PRKAR1B: variants seen among roughly 807,000 people sequenced by gnomAD.
The protein encoded by PRKAR1B is protein kinase cAMP-dependent type I regulatory subunit beta, also known as cAMP-dependent protein kinase type I-beta regulatory subunit.
A neutral mutation model predicts 46.5 loss-of-function variants in PRKAR1B; 22 were observed. The ratio of observed to expected loss-of-function variants is 0.47; its 90% CI spans 0.34 to 0.68. The LOEUF (loss-of-function observed/expected upper bound fraction) is 0.68. Ranked by LOEUF, PRKAR1B falls within the 30% of genes least tolerant of loss-of-function variation. The pLI, the probability that PRKAR1B is intolerant of heterozygous loss-of-function variation, is 0.01. For synonymous variants in PRKAR1B, 259 were observed against 217.7 expected (o/e 1.19, Z -1.67); for missense variants, 445 against 535.6 (o/e 0.83, Z 1.67).
chr7:680,789 G>A lies in PRKAR1B; in HGVS notation c.178-63C>T, dbSNP rs1778637173. On this transcript the variant is annotated intron_variant, in intron 2 of 10. Transcript: ENST00000537384. ...CCTGGCTGTCCCGGCCAGGCACAGGGCCCATGCCTGTGATCCCAGCACTGT... is the reference window on the plus strand; with the variant it reads ...CCTGGCTGTCCCGGCCAGGCACAGGACCCATGCCTGTGATCCCAGCACTGT... 9.5e-6 allele frequency: 15 copies of A among 1,577,016 alleles called. No individual in the cohort carries two copies. In the South Asian group the frequency reaches 1.6e-4, roughly 16 times the overall value.
intron 2 of PRKAR1B, among the ~76,000 whole-genome samples, chr7:684,278 C>T (rs959572975): frequency 6.6e-6 from 1 of 152,380 alleles, no homozygotes; most frequent in East Asian, 1.9e-4. Flanking sequence ...CGGGAAGACG[C>T]TGAGTACACG....
intron 2 of PRKAR1B, among the ~76,000 whole-genome samples, chr7:698,763 CCCT>C (rs899592811): frequency 1.3e-5 from 2 of 152,018 alleles, no homozygotes; most frequent in African/African-American, 4.8e-5. Flanking sequence ...ACTCCACGTA[CCCT>C]CCTCCTCGGT....
chr7:626,677 A>C (rs1325270333), intron 4 of PRKAR1B, among the ~76,000 whole-genome samples: 3 of 151,896 alleles, frequency 2.0e-5, no homozygotes, highest in Non-Finnish European at 4.4e-5. Context: ...AAAACAAATT[A>C]ATCTGATCTT....
intron 2 of PRKAR1B, chr7:691,639 C>G: frequency 7.7e-7 from 1 of 1,301,772 alleles, no homozygotes. Context: ...GGCATGTGGC[C>G]TCCGCCCAGG....
At chr7:561,208 GCACA>G (rs1239963119) in intron 9 of PRKAR1B, among the ~76,000 whole-genome samples, 1 of 149,504 alleles carries the variant, frequency 6.7e-6, no homozygotes, top group African/African-American at 2.5e-5. Context: ...CCACACACAT[GCACA>G]CACAGGCACA....
Position 560,724 on chromosome 7 carries a change from G to A in PRKAR1B, c.892-9254C>T, listed in dbSNP as rs1002218841. ...TGCCTCATCTGTTATATGGGACAAC[G>A]CCAACCAATGCTACAGAGCGGCGGT... On this transcript the variant is annotated intron_variant, in intron 9 of 10. Transcript: ENST00000537384. The surrounding 1 kb of genome is among the most constrained non-coding windows in gnomAD (Gnocchi z 4.2). 3.9e-5 allele frequency among the ~76,000 whole-genome samples: 6 copies of A among 152,220 alleles called. No homozygotes were observed. Among genetic ancestry groups the A allele is most frequent in the Non-Finnish European group, 5.9e-5 (4 of 68,036 alleles).
At chr7:651,216 G>A (rs1784886806) in intron 4 of PRKAR1B, among the ~76,000 whole-genome samples, 1 of 152,218 alleles carries the variant, frequency 6.6e-6, no homozygotes, top group African/African-American at 2.4e-5. Flanking sequence ...TGGCCCTCAA[G>A]TCCGCAGGGA....
intron 2 of PRKAR1B, chr7:696,606 A>G (rs1344968889): frequency 1.3e-5 from 2 of 152,212 alleles, no homozygotes; most frequent in African/African-American, 4.8e-5. Flanking sequence ...ATCCATGCTA[A>G]AAGTAGTTTA....
chr7:613,489 G>T (rs371030997), intron 4 of PRKAR1B, among the ~76,000 whole-genome samples: 6 of 152,306 alleles, frequency 3.9e-5, no homozygotes, highest in African/African-American at 1.2e-4. Flanking sequence ...GTCTGAGGAA[G>T]CGTACGGGAT....
intron 4 of PRKAR1B, among the ~76,000 whole-genome samples, chr7:660,731 T>C: frequency 1.1e-5 from 1 of 91,432 alleles, no homozygotes; most frequent in African/African-American, 4.5e-5. Context: ...ATGGCACAGG[T>C]CCCCACCCCA....
intron 5 of PRKAR1B, 88 bp downstream of exon 5, chr7:607,303 C>T (rs1053706766): frequency 1.6e-5 from 21 of 1,319,770 alleles, no homozygotes; most frequent in African/African-American, 4.4e-5. Flanking sequence ...CGTGGGCCAT[C>T]GTGCCTGCCC....
At chr7:665,096 A>T (rs1161876416) in intron 4 of PRKAR1B, among the ~76,000 whole-genome samples, 1 of 152,058 alleles carries the variant, frequency 6.6e-6, no homozygotes, top group Admixed American at 6.6e-5. Context: ...AGCCCTGGAG[A>T]CCCTTTGAAA....
At chr7:726,978 C>G in intron 1 of PRKAR1B, 1 of 1,294,018 alleles carries the variant, frequency 7.7e-7, no homozygotes. Context: ...GCTGCCTGAG[C>G]GACCCCGCCG....
At chr7:626,766 A>C (rs1380698287) in intron 4 of PRKAR1B, among the ~76,000 whole-genome samples, 2 of 151,562 alleles carry the variant, frequency 1.3e-5, no homozygotes, top group African/African-American at 4.9e-5. Context: ...GCTGGATTCC[A>C]GTGGCATGAT....
chr7:562,981 C>A (rs898797234), intron 9 of PRKAR1B, among the ~76,000 whole-genome samples: 2 of 152,346 alleles, frequency 1.3e-5, no homozygotes, highest in Admixed American at 6.5e-5. Flanking sequence ...CAGGTACTGA[C>A]CAGGGTGCTG....
At chr7:558,927 G>T (rs559477659) in intron 9 of PRKAR1B, among the ~76,000 whole-genome samples, 18 of 152,306 alleles carry the variant, frequency 1.2e-4, no homozygotes, top group African/African-American at 4.1e-4. Context: ...CGGGGAGACA[G>T]GGTCCCTCCC....
At chr7:726,984 C>G in intron 1 of PRKAR1B, 1 of 1,283,652 alleles carries the variant, frequency 7.8e-7, no homozygotes, top group Non-Finnish European at 9.9e-7. Flanking sequence ...TGAGCGACCC[C>G]GCCGAGGGCT....
intron 8 of PRKAR1B, among the ~76,000 whole-genome samples, chr7:583,336 T>A (rs1183023466): frequency 6.6e-6 from 1 of 151,852 alleles, no homozygotes; most frequent in Non-Finnish European, 1.5e-5. Flanking sequence ...CCACACTGCA[T>A]ACACACACGT....
intron 2 of PRKAR1B, among the ~76,000 whole-genome samples, chr7:682,851 C>G (rs541506942): frequency 1.2e-4 from 18 of 152,254 alleles, no homozygotes; most frequent in African/African-American, 4.3e-4. Flanking sequence ...TGAGTGTTCA[C>G]CTTGGTCACT....
Sources: allele counts gnomAD v4.1 joint callset (sites outside exome capture counted in the v4.1 genomes callset), GRCh38; gene constraint gnomAD v4.1.1; non-coding constraint Gnocchi (gnomAD v3.1); transcripts MANE v1.5; gene names NCBI Gene and HGNC (gene_info 2026-07-23, HGNC 2026-07-21).